Variants in RBBP8 observed in about 807,000 individuals in gnomAD.
RBBP8 encodes RB binding protein 8, endonuclease.
Under a neutral mutation model 108.3 loss-of-function variants are expected in RBBP8, and 88 were observed. The observed-to-expected ratio is 0.81, with a 90% CI of 0.68 to 0.97. The LOEUF (loss-of-function observed/expected upper bound fraction) is 0.97, where lower values mean the gene tolerates loss of function less well. RBBP8 is among the 50% of genes least tolerant of loss of function. The pLI, the probability that RBBP8 is intolerant of heterozygous loss-of-function variation, is 0.00. For synonymous variants in RBBP8, 332 were observed against 348.2 expected, an observed-to-expected ratio of 0.95 and a Z score of 0.52; for missense variants, 1,023 against 1,049.0, an observed-to-expected ratio of 0.98 and a Z score of 0.34.
intron 17 of RBBP8, among the ~76,000 whole-genome samples, chr18:23,017,515 A>T (rs1278738733): frequency 6.9e-6 from 1 of 144,838 alleles, no homozygotes; most frequent in Non-Finnish European, 1.5e-5. Flanking sequence ...AAAGCCAGGC[A>T]TGGTGGCGGG....
intron 14 of RBBP8, among the ~76,000 whole-genome samples, chr18:23,001,363 CAT>C (rs2045944015): frequency 6.6e-6 from 1 of 152,172 alleles, no homozygotes; most frequent in Non-Finnish European, 1.5e-5. Flanking sequence ...AGGTTTGTAA[CAT>C]AGATAAACAC....
At chr18:22,987,127 C>T in intron 8 of RBBP8, among the ~76,000 whole-genome samples, 1 of 152,152 alleles carries the variant, frequency 6.6e-6, no homozygotes, top group East Asian at 1.9e-4. Context: ...ATAGTCTATA[C>T]TCAATATCTC....
In RBBP8 at chr18:22,975,190, G is replaced by A. The variant is rs370650360; in HGVS notation, c.399G>A (p.Lys133=). Residue 133 remains lysine, a synonymous_variant, in exon 6 of 19, where the codon AAG becomes AAA. Coordinates refer to ENST00000327155, the MANE Select transcript of RBBP8 (RefSeq NM_002894.3). ...ATACTCTACAGGAAGAAAATAAAAA[G>A]CTTTCTGAACAACTCCAGCAGAAAA... The part of the protein sequence containing the change: ...ERNTLQEENK[K]LSEQLQQKIE... 2.5e-6 allele frequency: 4 copies of A among 1,612,494 alleles called. No individual in the cohort carries two copies. In the African/African-American group the frequency reaches 5.3e-5, roughly 22 times the overall value.
chr18:22,931,537 T>C (rs1910030921), upstream of RBBP8, among the ~76,000 whole-genome samples: 2 of 152,222 alleles, frequency 1.3e-5, no homozygotes. Flanking sequence ...TTTTATCCTT[T>C]AAAAATGCTT....
At chr18:22,954,919 A>G (rs1912379353) in intron 4 of RBBP8, among the ~76,000 whole-genome samples, 1 of 152,142 alleles carries the variant, frequency 6.6e-6, no homozygotes, top group South Asian at 2.1e-4. Context: ...AACTGCCCCC[A>G]TGATTCAGTT....
At chr18:23,006,119 G>A (rs2046041587) in intron 15 of RBBP8, among the ~76,000 whole-genome samples, 1 of 151,804 alleles carries the variant, frequency 6.6e-6, no homozygotes, top group Non-Finnish European at 1.5e-5. Context: ...CCGGGAGGTG[G>A]AGCTTGCAGT....
Position 23,001,743 on chromosome 18 carries a change from CTGT to C in RBBP8, c.2287+16_2287+18del. The C allele has an allele frequency of 6.2e-7, 1 of 1,613,918 alleles. No individual in the cohort carries two copies. The highest frequency in any genetic ancestry group is 8.5e-7 in the Non-Finnish European group (1 of 1,179,864). ...AGAAACTACACAGTAAGATTTTTTTCTGTTTAATTATGGCTTCTCAGTTGCAGA... is the reference window on the plus strand; with the variant it reads ...AGAAACTACACAGTAAGATTTTTTTCTTAATTATGGCTTCTCAGTTGCAGA... On this transcript the variant is annotated intron_variant, in intron 15 of 18. Transcript: ENST00000327155.
At chr18:22,916,551 A>G (rs1201583206) in intron 2 of RBBP8, among the ~76,000 whole-genome samples, 1 of 152,054 alleles carries the variant, frequency 6.6e-6, no homozygotes, top group Non-Finnish European at 1.5e-5. Flanking sequence ...AGGTAAAATT[A>G]TGTTGTATAG....
intron 2 of RBBP8, among the ~76,000 whole-genome samples, chr18:22,945,458 G>T (rs956133509): frequency 6.6e-6 from 1 of 151,972 alleles, no homozygotes; most frequent in Non-Finnish European, 1.5e-5. Flanking sequence ...CGGGATCTCA[G>T]CTCACCGCAG....
chr18:22,921,633 TTC>T (rs1031860310), intron 3 of RBBP8, among the ~76,000 whole-genome samples: 4 of 152,190 alleles, frequency 2.6e-5, no homozygotes, highest in African/African-American at 4.8e-5. Flanking sequence ...AAAACAGATG[TTC>T]TGAGAAATGA....
intron 12 of RBBP8, among the ~76,000 whole-genome samples, chr18:22,995,650 G>A (rs1014565561): frequency 6.6e-6 from 1 of 152,030 alleles, no homozygotes; most frequent in Non-Finnish European, 1.5e-5. Flanking sequence ...CATATAAATG[G>A]AATCGTTTAA....
At chr18:23,005,491 C>T (rs1407857552) in intron 15 of RBBP8, among the ~76,000 whole-genome samples, 1 of 152,118 alleles carries the variant, frequency 6.6e-6, no homozygotes, top group Admixed American at 6.5e-5. Flanking sequence ...CAGCTCACTG[C>T]AACCTCCAAC....
chr18:22,951,668 C>T (rs1912054196), intron 4 of RBBP8, among the ~76,000 whole-genome samples: 2 of 152,200 alleles, frequency 1.3e-5, no homozygotes, highest in South Asian at 4.1e-4. Flanking sequence ...TGACTGTGTC[C>T]TTCCCTCAAT....
intron 4 of RBBP8, among the ~76,000 whole-genome samples, chr18:22,955,369 TC>T: frequency 6.6e-6 from 1 of 152,274 alleles, no homozygotes; most frequent in Non-Finnish European, 1.5e-5. Context: ...TTCATGAAGC[TC>T]CATTTAATTA....
At chr18:22,951,819 A>G (rs1048219771) in intron 4 of RBBP8, among the ~76,000 whole-genome samples, 1 of 152,240 alleles carries the variant, frequency 6.6e-6, no homozygotes, top group East Asian at 1.9e-4. Flanking sequence ...TTATCAGTTT[A>G]TTACAAAAAA....
chr18:23,023,892 A>G (rs1454188003), intron 18 of RBBP8, among the ~76,000 whole-genome samples: 1 of 3,614 alleles, frequency 2.8e-4, no homozygotes, highest in Non-Finnish European at 8.8e-4. Context: ...TTTTTTTTTG[A>G]GATGGAGTCT....
intron 14 of RBBP8, among the ~76,000 whole-genome samples, chr18:22,998,895 A>G (rs944709234): frequency 6.6e-6 from 1 of 152,212 alleles, no homozygotes; most frequent in African/African-American, 2.4e-5. Context: ...AAACCTTCAC[A>G]GTAGTTTATT....
chr18:22,985,547 A>G (rs1487961988), intron 8 of RBBP8, among the ~76,000 whole-genome samples: 1 of 152,172 alleles, frequency 6.6e-6, no homozygotes, highest in Non-Finnish European at 1.5e-5. Flanking sequence ...TTTGAGGAAC[A>G]TTAAGGAACC....
intron 2 of RBBP8, among the ~76,000 whole-genome samples, chr18:22,941,144 C>T (rs567183893): frequency 6.6e-6 from 1 of 151,900 alleles, no homozygotes; most frequent in African/African-American, 2.4e-5. Context: ...TTATATTCTG[C>T]AACTTTCTTG....
Sources: gnomAD v4.1 joint callset for allele counts (sites outside exome capture counted in the v4.1 genomes callset) on GRCh38, gnomAD v4.1.1 for gene constraint, MANE v1.5 for transcripts, NCBI Gene and HGNC (gene_info 2026-07-23, HGNC 2026-07-21) for gene names.